The following PRORP variants were observed in gnomAD, a reference collection of about 807,000 sequenced individuals.
PRORP encodes mitochondrial ribonuclease P catalytic subunit.
PRORP carries 51 observed loss-of-function variants against 59.4 expected under a neutral mutation model. The ratio of observed to expected loss-of-function variants is 0.86; its 90% confidence interval spans 0.69 to 1.08. The LOEUF (loss-of-function observed/expected upper bound fraction) is 1.08. Among genes scored for constraint, PRORP ranks in the 50% least tolerant of loss-of-function variants. PRORP has a pLI of 0.00. For missense variants in PRORP, 646 were observed against 690.3 expected (o/e 0.94, Z 0.72); for synonymous variants, 231 against 245.6 (o/e 0.94, Z 0.55).
In PRORP at chr14:35,274,954, T is replaced by C. The variant is rs1390108391; in HGVS notation, c.*1388T>C. 1 of 152,214 alleles carries C rather than the reference T, an allele frequency of 6.6e-6. No individual in the cohort carries two copies. The allele number at this position is 152,214 out of a possible 1,614,324, so 9.4% of individuals were successfully genotyped here. A position where few individuals can be genotyped will look rare whatever the true frequency, so the allele number is the denominator to read the frequency against. On this transcript the variant is annotated 3_prime_UTR_variant, in exon 8 of 8. Coordinates refer to ENST00000534898, the MANE Select transcript of PRORP (RefSeq NM_014672.4). ...TTGATTTCAGCTGAAAATATTCATG[T>C]CTGCACCCCTTCATGATAGTTCTTT...
At chr14:35,187,280 T>C (rs1157760288) in intron 5 of PRORP, among the ~76,000 whole-genome samples, 1 of 152,200 alleles carries the variant, frequency 6.6e-6, no homozygotes, top group African/African-American at 2.4e-5. Context: ...ATCAGCTGTG[T>C]ATAAAGGTTC....
intron 5 of PRORP, among the ~76,000 whole-genome samples, chr14:35,248,117 GA>G (rs2050527993): frequency 6.6e-6 from 1 of 152,126 alleles, no homozygotes; most frequent in Non-Finnish European, 1.5e-5. Flanking sequence ...GGAGATAATT[GA>G]AATCTCCCTA....
chr14:35,123,703 G>C lies in PRORP; in HGVS notation c.458G>C (p.Ser153Thr), dbSNP rs142395477. 1.2e-6 allele frequency: 2 copies of C among 1,614,230 alleles called. No individual in the cohort carries two copies. Among genetic ancestry groups the C allele is most frequent in the African/African-American group, 2.7e-5 (2 of 75,070 alleles). The change falls in exon 2 of 8, where the codon AGC becomes ACC. Residue 153 changes from serine to threonine, a missense_variant. By Grantham distance (58) the Ser-to-Thr change is moderately conservative. Transcript: ENST00000534898. ...WIISQMAGCHSSIDVAKSLLA... is the reference protein window; with the variant it reads ...WIISQMAGCHTSIDVAKSLLA... ...ATTTCACAGATGGCTGGCTGTCATAGCTCTATAGATGTGGCTAAATCTCTG... is the reference window on the plus strand; with the variant it reads ...ATTTCACAGATGGCTGGCTGTCATACCTCTATAGATGTGGCTAAATCTCTG...
intron 4 of PRORP, among the ~76,000 whole-genome samples, chr14:35,133,702 G>A (rs898962355): frequency 6.6e-6 from 1 of 152,134 alleles, no homozygotes; most frequent in Non-Finnish European, 1.5e-5. Context: ...TGTGCTTTAG[G>A]GGGCAGCCAA....
intron 5 of PRORP, among the ~76,000 whole-genome samples, chr14:35,199,592 A>G (rs578101530): frequency 6.6e-6 from 1 of 152,214 alleles, no homozygotes; most frequent in South Asian, 2.1e-4. Flanking sequence ...TCAAGGTGCC[A>G]TCTTGGAAGC....
intron 4 of PRORP, among the ~76,000 whole-genome samples, chr14:35,149,832 T>C (rs955282905): frequency 2.0e-5 from 3 of 152,182 alleles, no homozygotes; most frequent in Non-Finnish European, 4.4e-5. Context: ...CTATCTTAGC[T>C]TTTTTGTTTT....
intron 6 of PRORP, 141 bp from the exon 7 acceptor site, chr14:35,270,260 G>A: frequency 1.4e-6 from 1 of 702,674 alleles, no homozygotes; most frequent in South Asian, 1.9e-5. Context: ...ACTTTGAGGT[G>A]GTTCTTAAGT....
chr14:35,173,548 A>G (rs940139065), intron 4 of PRORP, among the ~76,000 whole-genome samples: 1 of 151,916 alleles, frequency 6.6e-6, no homozygotes, highest in African/African-American at 2.4e-5. Context: ...CCTTTCTAGG[A>G]TTCCCTGTCA....
At chr14:35,199,869 T>A (rs985196659) in intron 5 of PRORP, among the ~76,000 whole-genome samples, 1 of 152,214 alleles carries the variant, frequency 6.6e-6, no homozygotes, top group African/African-American at 2.4e-5. Context: ...ACAGAATTAA[T>A]TGAAATGGAA....
Position 35,235,521 on chromosome 14 carries a change from C to T in PRORP, c.1276-31206C>T, listed in dbSNP as rs1487857623. The T allele has an allele frequency of 6.8e-6, 4 of 589,828 alleles. No homozygotes were observed. In the African/African-American group the frequency reaches 7.4e-5, roughly 11 times the overall value. The allele number at this position is 589,828 out of a possible 1,614,324, so 36.5% of individuals were successfully genotyped here. A position where few individuals can be genotyped will look rare whatever the true frequency, so the allele number is the denominator to read the frequency against. ...TCATGTGCAGTCACCACCAGCTGAG[C>T]CTTCTTGTTCTCCTCCAAGGTGGTG... is the stretch of plus-strand genomic sequence containing the variant. On this transcript the variant is annotated intron_variant, in intron 5 of 7. Transcript: ENST00000534898.
intron 5 of PRORP, among the ~76,000 whole-genome samples, chr14:35,227,972 A>G (rs544048770): frequency 6.6e-6 from 1 of 152,148 alleles, no homozygotes; most frequent in South Asian, 2.1e-4. Context: ...GTGAAATCCC[A>G]TCTTTACTAA....
chr14:35,254,312 C>T (rs188887243), intron 5 of PRORP, among the ~76,000 whole-genome samples: 1 of 152,262 alleles, frequency 6.6e-6, no homozygotes, highest in African/African-American at 2.4e-5. Context: ...GTGGCCCAGC[C>T]TTCATGCAGT....
intron 5 of PRORP, among the ~76,000 whole-genome samples, chr14:35,232,891 T>C (rs563208754): frequency 6.6e-6 from 1 of 152,206 alleles, no homozygotes; most frequent in African/African-American, 2.4e-5. Flanking sequence ...GCCAGGATGG[T>C]CTTGGTCTCC....
At chr14:35,227,768 A>C (rs538042598) in intron 5 of PRORP, among the ~76,000 whole-genome samples, 2 of 152,306 alleles carry the variant, frequency 1.3e-5, no homozygotes, top group African/African-American at 4.8e-5. Flanking sequence ...TTAAAATTAT[A>C]ATTTTTTTCT....
intron 4 of PRORP, among the ~76,000 whole-genome samples, chr14:35,163,007 T>C (rs1388384029): frequency 6.6e-6 from 1 of 152,142 alleles, no homozygotes; most frequent in East Asian, 1.9e-4. Flanking sequence ...TTCCTAACAG[T>C]ATGACACTAT....
intron 4 of PRORP, among the ~76,000 whole-genome samples, chr14:35,173,009 A>G (rs577519065): frequency 1.3e-5 from 2 of 151,942 alleles, no homozygotes; most frequent in Non-Finnish European, 2.9e-5. Flanking sequence ...CTGGGATTAT[A>G]GGCATGCACC....
At chr14:35,209,150 G>A (rs766523199) in intron 5 of PRORP, among the ~76,000 whole-genome samples, 74 of 151,788 alleles carry the variant, frequency 4.9e-4, no homozygotes, top group Non-Finnish European at 7.9e-4. Flanking sequence ...CCCCAGCCTC[G>A]GCGACAGAGT....
chr14:35,201,073 T>C (rs1303422828), intron 5 of PRORP, among the ~76,000 whole-genome samples: 1 of 152,246 alleles, frequency 6.6e-6, no homozygotes, highest in Non-Finnish European at 1.5e-5. Flanking sequence ...GGGATTTTTA[T>C]GTTGTGTTTT....
rs372505980 is a variant in PRORP, at chr14:35,166,490, G to A, written c.1168-14180G>A. Among the ~76,000 whole-genome samples the A allele has an allele frequency of 5.8e-3, 766 of 133,194 alleles. 5 individuals carry two copies. Among genetic ancestry groups the A allele is most frequent in the African/African-American group, 0.02 (695 of 35,524 alleles). 87.4% of individuals were successfully genotyped at this position (133,194 alleles called of 152,430 possible). A position where few individuals can be genotyped will look rare whatever the true frequency, so the allele number is the denominator to read the frequency against. On this transcript the variant is annotated intron_variant, in intron 4 of 7. Coordinates refer to ENST00000534898, the MANE Select transcript of PRORP (RefSeq NM_014672.4). ...TTTTGAGATGGAGTCTCGCTCTGTC[G>A]CCAGGCTGGAGTGCAGTGGTGTAAT...
Sources: gnomAD v4.1 joint callset for allele counts (sites outside exome capture counted in the v4.1 genomes callset) on GRCh38, gnomAD v4.1.1 for gene constraint, MANE v1.5 for transcripts, NCBI Gene and HGNC (gene_info 2026-07-23, HGNC 2026-07-21) for gene names.